The following HEATR4 variants were observed in gnomAD, a reference collection of about 807,000 sequenced individuals.
HEATR4 encodes HEAT repeat containing 4.
Under a neutral mutation model 108.8 loss-of-function variants are expected in HEATR4, and 95 were observed. The observed-to-expected ratio is 0.87, with a 90% CI of 0.74 to 1.04. The LOEUF is 1.04. Ranked by LOEUF, HEATR4 falls within the 50% of genes least tolerant of loss-of-function variation. The pLI is 0.00. For missense variants in HEATR4, 1,152 were observed against 1,253.8 expected (o/e 0.92, Z 1.23); for synonymous variants, 443 against 459.4 (o/e 0.96, Z 0.46).
At chr14:73,524,852 C>T (rs922622025) in intron 2 of HEATR4, among the ~76,000 whole-genome samples, 24 of 152,120 alleles carry the variant, frequency 1.6e-4, no homozygotes, top group African/African-American at 4.6e-4. Context: ...AACTCCTGCC[C>T]GGTGTCCAAG....
At chr14:73,498,103 G>T (rs948917436) in intron 14 of HEATR4, 52 bp downstream of exon 14, 1 of 1,509,118 alleles carries the variant, frequency 6.6e-7, no homozygotes, top group Non-Finnish European at 9.1e-7. Flanking sequence ...GAGCAAAGAT[G>T]TGAGAGTTGG....
Position 73,478,786 on chromosome 14 carries a change from G to C in HEATR4, c.2901C>G (p.Thr967=). The C allele has an allele frequency of 6.2e-7, 1 of 1,613,944 alleles. No individual in the cohort carries two copies. Among genetic ancestry groups the C allele is most frequent in the South Asian group, 1.1e-5 (1 of 91,066 alleles). The part of the protein sequence containing the change: ...PWLQSSVPGL[T]TRSKVRSSLV... ...GTGATGAACGAACTTTGCTTCGTGT[G>C]GTTAGGCCTGGGACTGAACTTTGTA... Residue 967 remains threonine, a synonymous_variant, in exon 18 of 18, where the codon ACC becomes ACG. Transcript: ENST00000553558.
chr14:73,598,059 A>T, the HEATR4 span, among the ~76,000 whole-genome samples: 3 of 150,500 alleles, frequency 2.0e-5, no homozygotes, highest in Admixed American at 2.0e-4. Context: ...CTGTAAATTC[A>T]TTGGCATTTC....
At chr14:73,592,066 C>A in the HEATR4 span, 1 of 1,479,558 alleles carries the variant, frequency 6.8e-7, no homozygotes, top group Non-Finnish European at 9.0e-7. Context: ...ACGCTGCGCG[C>A]GTCCCTGCGC....
the HEATR4 span, among the ~76,000 whole-genome samples, chr14:73,599,982 C>G: frequency 6.6e-6 from 1 of 152,296 alleles, no homozygotes; most frequent in Non-Finnish European, 1.5e-5. Flanking sequence ...TATATCAGAT[C>G]CAGGTATAGA....
the HEATR4 span, chr14:73,591,558 A>G: frequency 6.0e-6 from 1 of 167,812 alleles, no homozygotes; most frequent in East Asian, 1.6e-4. Flanking sequence ...AAAAAAAGTT[A>G]AAAACAAAAC....
the HEATR4 span, among the ~76,000 whole-genome samples, chr14:73,570,985 TTTTTTA>T: frequency 6.8e-6 from 1 of 146,104 alleles, no homozygotes; most frequent in Non-Finnish European, 1.6e-5. Flanking sequence ...ACTTTTTTTT[TTTTTTA>T]AATAAGAATT....
chr14:73,563,549 C>G (rs746777865), upstream of HEATR4, among the ~76,000 whole-genome samples: 1 of 151,960 alleles, frequency 6.6e-6, no homozygotes, highest in Non-Finnish European at 1.5e-5. Flanking sequence ...GAGCTGAGAT[C>G]GCGCCACTGC....
chr14:73,503,314 C>A (rs1441901202), intron 10 of HEATR4, among the ~76,000 whole-genome samples: 2 of 152,178 alleles, frequency 1.3e-5, no homozygotes, highest in Non-Finnish European at 2.9e-5. Context: ...TCAGTGCCAA[C>A]ATAACTTGTA....
chr14:73,526,375 A>G (rs1566843956), intron 2 of HEATR4, among the ~76,000 whole-genome samples: 1 of 152,180 alleles, frequency 6.6e-6, no homozygotes, highest in Middle Eastern at 3.2e-3. Context: ...CACAAGGACT[A>G]TATTCCTTAG....
Position 73,498,168 on chromosome 14 carries a change from C to G in HEATR4, c.2533G>C (p.Asp845His). 6.2e-7 allele frequency: 1 copy of G among 1,611,788 alleles called. No individual in the cohort carries two copies. The highest frequency in any genetic ancestry group is 8.5e-7 in the Non-Finnish European group (1 of 1,178,362). ...TTTAGTGCTTACTTTAGAACAGCAT[C>G]GTGGTTCTCCAGGAGCAGCACGTCT... ...FLDVLLLENH[D>H]AVLKEMYQTM... The change falls in exon 14 of 18, where the codon GAT becomes CAT. Residue 845 changes from aspartate (D) to histidine (H), a missense_variant. Transcript: ENST00000553558.
chr14:73,546,420 G>T, intron 1 of HEATR4, among the ~76,000 whole-genome samples: 1 of 108,272 alleles, frequency 9.2e-6, no homozygotes, highest in African/African-American at 3.1e-5. Context: ...TGCAGTGGCA[G>T]TAACATGATC....
At chr14:73,608,643 A>G in the HEATR4 span, among the ~76,000 whole-genome samples, 5 of 152,068 alleles carry the variant, frequency 3.3e-5, no homozygotes, top group African/African-American at 4.8e-5. Flanking sequence ...AACGGTGCCA[A>G]CTGCTGCCTG....
chr14:73,527,824 A>T (rs1458995688), intron 2 of HEATR4, among the ~76,000 whole-genome samples: 5 of 151,732 alleles, frequency 3.3e-5, no homozygotes, highest in African/African-American at 1.2e-4. Context: ...CTACAAATAC[A>T]AAAAATTAGC....
intron 12 of HEATR4, among the ~76,000 whole-genome samples, chr14:73,500,279 C>CTT (rs751356844): frequency 1.4e-5 from 2 of 139,944 alleles, no homozygotes; most frequent in Admixed American, 7.2e-5. Context: ...ATGCACGGAC[C>CTT]TTTTTTTTTT....
chr14:73,486,571 G>A (rs540471558), intron 17 of HEATR4, among the ~76,000 whole-genome samples: 8 of 152,050 alleles, frequency 5.3e-5, no homozygotes, highest in East Asian at 1.9e-4. Context: ...GGTGGCCTGC[G>A]CCTGTAATCC....
intron 16 of HEATR4, 35 bp from the exon 17 acceptor site, chr14:73,493,159 GAAA>G (rs755326030): frequency 6.4e-7 from 1 of 1,565,518 alleles, no homozygotes; most frequent in African/African-American, 1.4e-5. Flanking sequence ...GTTGGAGGTG[GAAA>G]AAAAACCCTT....
At chr14:73,488,948 G>A (rs924261361) in intron 17 of HEATR4, among the ~76,000 whole-genome samples, 1 of 151,786 alleles carries the variant, frequency 6.6e-6, no homozygotes, top group African/African-American at 2.4e-5. Flanking sequence ...CTTGAACCTG[G>A]GAGGTGGAGG....
intron 5 of HEATR4, among the ~76,000 whole-genome samples, chr14:73,517,980 T>C (rs552000406): frequency 6.6e-6 from 1 of 151,792 alleles, no homozygotes; most frequent in South Asian, 2.1e-4. Context: ...CAGCTACTCG[T>C]GAGGCAGAGG....
Sources: allele counts gnomAD v4.1 joint callset (sites outside exome capture counted in the v4.1 genomes callset), GRCh38; gene constraint gnomAD v4.1.1; transcripts MANE v1.5; gene names NCBI Gene and HGNC (gene_info 2026-07-23, HGNC 2026-07-21).